LARS2: variants seen among roughly 807,000 people sequenced by gnomAD.
LARS2 encodes leucine--tRNA ligase, mitochondrial.
A neutral mutation model predicts 116.6 loss-of-function variants in LARS2; 81 were observed. That is an observed-to-expected ratio of 0.69 (90% confidence interval 0.58 to 0.84). LARS2 has a LOEUF of 0.84. Among genes scored for constraint, LARS2 ranks in the 40% least tolerant of loss-of-function variants. The pLI is 0.00. For missense variants in LARS2, 968 were observed against 1,114.5 expected (o/e 0.87, Z 1.87); for synonymous variants, 396 against 407.2 (o/e 0.97, Z 0.33).
At chr3:45,442,405 G>A (rs2063810) in intron 6 of LARS2, among the ~76,000 whole-genome samples, 144,613 of 152,284 alleles carry the variant, frequency 0.95, 69,102 homozygotes, top group East Asian at 1. Context: ...GGAAGGGATG[G>A]ACTCATGTTG....
intron 14 of LARS2, among the ~76,000 whole-genome samples, chr3:45,499,085 G>A (rs115488977): frequency 0.014 from 2,067 of 152,272 alleles, 31 homozygotes; most frequent in African/African-American, 0.047. Flanking sequence ...CTTGAGGCCA[G>A]GAGTTCAAGA....
In LARS2 at chr3:45,418,167, C is replaced by G. The variant is rs147653047; in HGVS notation, c.455+594C>G. 2.6e-4 allele frequency among the ~76,000 whole-genome samples: 40 copies of G among 152,272 alleles called. No individual in the cohort carries two copies. In the South Asian group the frequency reaches 4.6e-3, roughly 17 times the overall value. On this transcript the variant is annotated intron_variant, in intron 5 of 21. Coordinates refer to ENST00000645846, the MANE Select transcript of LARS2 (RefSeq NM_015340.4). Reference sequence around the variant, plus strand: ...CCTGCTAAAGTCCTGAGGGCCTCACCCTAGAACTTGGCAGAATCCTCTGGG... The same window carrying G: ...CCTGCTAAAGTCCTGAGGGCCTCACGCTAGAACTTGGCAGAATCCTCTGGG...
At chr3:45,431,088 C>T (rs544950389) in intron 6 of LARS2, among the ~76,000 whole-genome samples, 28 of 152,066 alleles carry the variant, frequency 1.8e-4, no homozygotes, top group Non-Finnish European at 3.2e-4. Context: ...CCGCCGAGTC[C>T]GTATCTCTCC....
chr3:45,416,302 T>G (rs1575239367), intron 4 of LARS2, among the ~76,000 whole-genome samples: 2 of 144,704 alleles, frequency 1.4e-5, no homozygotes, highest in African/African-American at 2.6e-5. Context: ...AAATGGGGAG[T>G]GGGCCTTTCA....
intron 11 of LARS2, among the ~76,000 whole-genome samples, chr3:45,486,153 T>TA (rs35075237): frequency 5.2e-4 from 77 of 147,386 alleles, no homozygotes; most frequent in African/African-American, 1.3e-3. Flanking sequence ...CTACCAGCTT[T>TA]AAAAAAAAAA....
At chr3:45,390,086 AC>A (rs1349883363) in intron 1 of LARS2, among the ~76,000 whole-genome samples, 4 of 149,698 alleles carry the variant, frequency 2.7e-5, no homozygotes, top group African/African-American at 9.8e-5. Flanking sequence ...ATTGCCCCCC[AC>A]CCCCCAAAAA....
chr3:45,504,752 T>C (rs74319493), intron 15 of LARS2, among the ~76,000 whole-genome samples: 2 of 151,952 alleles, frequency 1.3e-5, no homozygotes, highest in African/African-American at 4.8e-5. Flanking sequence ...TTTAGTGTTT[T>C]TTTTGTTTTG....
At chr3:45,523,718 A>G (rs1575312619) in intron 19 of LARS2, among the ~76,000 whole-genome samples, 1 of 151,536 alleles carries the variant, frequency 6.6e-6, no homozygotes, top group Non-Finnish European at 1.5e-5. Flanking sequence ...TTAATTTTTC[A>G]TAGAGATGAG....
intron 8 of LARS2, among the ~76,000 whole-genome samples, chr3:45,464,871 G>A (rs1365832009): frequency 6.6e-6 from 1 of 152,174 alleles, no homozygotes; most frequent in African/African-American, 2.4e-5. Context: ...TGCTGCTTGG[G>A]TTTATCTACA....
In LARS2 at chr3:45,446,952, A is replaced by G. The variant is rs140525535; in HGVS notation, c.578A>G (p.Tyr193Cys). ...ACTCAGTATCTCTTTATTAAACTGT[A>G]TGAGGCTGGGCTGGCCTATCAAAAG... ...KWTQYLFIKL[Y>C]EAGLAYQKEA... is the part of the protein sequence containing the mutation. Residue 193 changes from tyrosine to cysteine, a missense_variant, in exon 7 of 22, where the codon TAT (tyrosine) becomes TGT (cysteine). Transcript: ENST00000645846. 1.7e-5 allele frequency: 28 copies of G among 1,608,954 alleles called. No homozygotes were observed. The highest frequency in any genetic ancestry group is 2.4e-5 in the Non-Finnish European group (28 of 1,176,314).
chr3:45,545,449 T>C (rs1408735586), intron 21 of LARS2, among the ~76,000 whole-genome samples: 1 of 152,208 alleles, frequency 6.6e-6, no homozygotes, highest in Non-Finnish European at 1.5e-5. Context: ...CTTTGGGCCC[T>C]TGAAGCTCAG....
chr3:45,500,706 G>T, intron 15 of LARS2, 127 bp downstream of exon 15: 1 of 675,652 alleles, frequency 1.5e-6, no homozygotes. Context: ...TGCTTTAGAG[G>T]TTGTCAACCT....
At chr3:45,516,514 C>T (rs1029047231) in intron 17 of LARS2, among the ~76,000 whole-genome samples, 2 of 152,136 alleles carry the variant, frequency 1.3e-5, no homozygotes, top group Non-Finnish European at 2.9e-5. Context: ...TCCAGTGCTC[C>T]GCCCATGCCT....
chr3:45,399,962 A>G (rs1698116030), intron 3 of LARS2, among the ~76,000 whole-genome samples: 1 of 151,982 alleles, frequency 6.6e-6, no homozygotes, highest in East Asian at 1.9e-4. Context: ...CTGTTAATTC[A>G]TTCCTTTCAA....
intron 14 of LARS2, among the ~76,000 whole-genome samples, chr3:45,499,488 GGT>G (rs1409895113): frequency 1.3e-5 from 2 of 152,054 alleles, no homozygotes; most frequent in Non-Finnish European, 2.9e-5. Flanking sequence ...TGGGCAGAGT[GGT>G]GTGTGTCTGT....
At chr3:45,474,785 A>G (rs1228130778) in intron 9 of LARS2, among the ~76,000 whole-genome samples, 4 of 152,118 alleles carry the variant, frequency 2.6e-5, no homozygotes, top group Non-Finnish European at 5.9e-5. Context: ...TTATGTGCAA[A>G]ATGTTTGGGC....
intron 11 of LARS2, 26 bp downstream of exon 11, chr3:45,485,822 C>T (rs768954251): frequency 2.8e-6 from 4 of 1,412,590 alleles, no homozygotes; most frequent in Admixed American, 1.8e-5. Context: ...AATGTAACCA[C>T]AACGGTATAT....
intron 5 of LARS2, 130 bp from the exon 6 acceptor site, chr3:45,419,539 G>T: frequency 1.4e-6 from 1 of 693,362 alleles, no homozygotes; most frequent in East Asian, 2.7e-5. Context: ...TTCTGCTAGG[G>T]CAAAGCAACA....
chr3:45,487,520 A>G (rs1699836299), intron 11 of LARS2, among the ~76,000 whole-genome samples: 1 of 152,162 alleles, frequency 6.6e-6, no homozygotes. Context: ...TTTTCACACA[A>G]TGTGTTGTAT....
Sources: allele counts gnomAD v4.1 joint callset (sites outside exome capture counted in the v4.1 genomes callset), GRCh38; gene constraint gnomAD v4.1.1; transcripts MANE v1.5; gene names NCBI Gene and HGNC (gene_info 2026-07-23, HGNC 2026-07-21).